EXOC6B: variants seen among roughly 807,000 people sequenced by gnomAD.
EXOC6B encodes exocyst complex component 6B.
A neutral mutation model predicts 113.5 loss-of-function variants in EXOC6B; 54 were observed. The ratio of observed to expected loss-of-function variants is 0.48; its 90% confidence interval spans 0.38 to 0.60. The LOEUF (loss-of-function observed/expected upper bound fraction) is 0.60, where lower values mean the gene tolerates loss of function less well. Ranked by LOEUF, EXOC6B falls within the 20% of genes least tolerant of loss-of-function variation. EXOC6B has a pLI of 0.00. For synonymous variants in EXOC6B, 357 were observed against 339.0 expected (o/e 1.05, Z -0.58); for missense variants, 797 against 977.5 (o/e 0.82, Z 2.46).
intron 8 of EXOC6B, among the ~76,000 whole-genome samples, chr2:72,557,062 C>T (rs945667963): frequency 6.6e-6 from 1 of 151,426 alleles, no homozygotes; most frequent in Non-Finnish European, 1.5e-5. Context: ...AAGAAAAGCA[C>T]AATTTTTACT....
chr2:72,186,406 A>G (rs766174996), intron 20 of EXOC6B, among the ~76,000 whole-genome samples: 119 of 152,314 alleles, frequency 7.8e-4, no homozygotes, highest in African/African-American at 2.7e-3. Context: ...CACGACAGGT[A>G]CTGAGAGTAC....
At chr2:72,458,032 A>G (rs925368225) in intron 18 of EXOC6B, among the ~76,000 whole-genome samples, 1 of 152,090 alleles carries the variant, frequency 6.6e-6, no homozygotes, top group South Asian at 2.1e-4. Flanking sequence ...ATGTGGTAAA[A>G]TATCCCTGAG....
At chr2:72,298,215 T>C (rs1395351120) in intron 20 of EXOC6B, among the ~76,000 whole-genome samples, 1 of 152,228 alleles carries the variant, frequency 6.6e-6, no homozygotes, top group Non-Finnish European at 1.5e-5. Flanking sequence ...GCTCTTCTTG[T>C]TGCATTGATC....
intron 20 of EXOC6B, among the ~76,000 whole-genome samples, chr2:72,295,248 AAT>A (rs1255588381): frequency 6.1e-5 from 9 of 148,530 alleles, no homozygotes; most frequent in African/African-American, 2.3e-4. Flanking sequence ...AAAAAAAAAA[AAT>A]ACTCAGACCT....
chr2:72,612,094 G>T (rs894415817), intron 6 of EXOC6B, among the ~76,000 whole-genome samples: 1 of 151,872 alleles, frequency 6.6e-6, no homozygotes, highest in Non-Finnish European at 1.5e-5. Flanking sequence ...TGGGCAACAT[G>T]GCAAAAACTG....
chr2:72,570,749 GC>G (rs1704465657), intron 7 of EXOC6B, among the ~76,000 whole-genome samples: 1 of 152,082 alleles, frequency 6.6e-6, no homozygotes, highest in South Asian at 2.1e-4. Flanking sequence ...AATACGCCCT[GC>G]TTTTTCAAAC....
chr2:72,287,030 A>G, intron 20 of EXOC6B, among the ~76,000 whole-genome samples: 1 of 152,164 alleles, frequency 6.6e-6, no homozygotes, highest in East Asian at 1.9e-4. Context: ...AAAAATAAAG[A>G]CTGAAGAAGA....
At chr2:72,477,783 C>T (rs1198222836) in intron 17 of EXOC6B, among the ~76,000 whole-genome samples, 1 of 152,194 alleles carries the variant, frequency 6.6e-6, no homozygotes, top group Non-Finnish European at 1.5e-5. Flanking sequence ...TGAACACATC[C>T]ATACCTACCA....
At position 72,401,595 on chromosome 2, in the gene EXOC6B, A is replaced by G. The variant is rs1227589488; in HGVS notation, c.1981-21725T>C. 6.4e-4 allele frequency among the ~76,000 whole-genome samples: 28 copies of G among 43,560 alleles called. 4 individuals are homozygous for G. The highest frequency in any genetic ancestry group is 1.4e-3 in the South Asian group (3 of 2,080). The allele number at this position is 43,560 out of a possible 152,430, so 28.6% of individuals were successfully genotyped here. The stretch of plus-strand genomic sequence containing the variant: ...TATATATATATACATATATATATAT[A>G]TATATATGTGTATATATATATATAT... On this transcript the variant is annotated intron_variant, in intron 18 of 21. Coordinates refer to ENST00000272427, the MANE Select transcript of EXOC6B (RefSeq NM_015189.3).
chr2:72,420,177 T>A (rs1694784943), intron 18 of EXOC6B, among the ~76,000 whole-genome samples: 1 of 152,194 alleles, frequency 6.6e-6, no homozygotes, highest in Non-Finnish European at 1.5e-5. Context: ...AATATTTCCA[T>A]TTTTTCCATA....
At chr2:72,595,709 C>G (rs891699657) in intron 6 of EXOC6B, among the ~76,000 whole-genome samples, 1 of 151,742 alleles carries the variant, frequency 6.6e-6, no homozygotes, top group Non-Finnish European at 1.5e-5. Context: ...GACATAGATA[C>G]ACAATAAGAA....
intron 17 of EXOC6B, among the ~76,000 whole-genome samples, chr2:72,480,371 A>T (rs560294749): frequency 1.3e-5 from 2 of 152,294 alleles, no homozygotes; most frequent in South Asian, 4.1e-4. Context: ...TGTACAAAAC[A>T]TAAGGAAGGG....
intron 12 of EXOC6B, among the ~76,000 whole-genome samples, chr2:72,499,354 C>G (rs528508052): frequency 6.5e-4 from 98 of 151,852 alleles, no homozygotes; most frequent in African/African-American, 2.3e-3. Context: ...CCTCAGCCTC[C>G]CAAGTAGCTG....
chr2:72,739,100 A>G (rs1308468781), intron 2 of EXOC6B, among the ~76,000 whole-genome samples: 1 of 152,158 alleles, frequency 6.6e-6, no homozygotes, highest in Non-Finnish European at 1.5e-5. Flanking sequence ...TATCCTCTGT[A>G]CTGTAGTTTA....
intron 18 of EXOC6B, among the ~76,000 whole-genome samples, chr2:72,445,932 C>T (rs746658993): frequency 6.6e-6 from 1 of 152,118 alleles, no homozygotes. Flanking sequence ...AAATCAAAAT[C>T]GCAAGGAGAT....
intron 20 of EXOC6B, among the ~76,000 whole-genome samples, chr2:72,314,149 TATG>T (rs1315076266): frequency 3.3e-5 from 5 of 152,210 alleles, no homozygotes; most frequent in Admixed American, 6.5e-5. Context: ...CTATCTTTGT[TATG>T]ATTATTGTTA....
chr2:72,391,736 T>G (rs975667416), intron 18 of EXOC6B, among the ~76,000 whole-genome samples: 1 of 152,182 alleles, frequency 6.6e-6, no homozygotes, highest in Admixed American at 6.5e-5. Flanking sequence ...TTTCCATTCT[T>G]AACATCAAAA....
intron 6 of EXOC6B, among the ~76,000 whole-genome samples, chr2:72,602,309 T>G (rs2104009392): frequency 6.6e-6 from 1 of 152,342 alleles, no homozygotes; most frequent in South Asian, 2.1e-4. Context: ...TTTCCATGAA[T>G]GAATATAATT....
At chr2:72,309,407 C>G (rs539289579) in intron 20 of EXOC6B, among the ~76,000 whole-genome samples, 2 of 152,086 alleles carry the variant, frequency 1.3e-5, no homozygotes, top group Admixed American at 1.3e-4. Flanking sequence ...TTAGGCTGAA[C>G]CTCGTTTACT....
Sources: gnomAD v4.1 joint callset for allele counts (sites outside exome capture counted in the v4.1 genomes callset) on GRCh38, gnomAD v4.1.1 for gene constraint, MANE v1.5 for transcripts, NCBI Gene and HGNC (gene_info 2026-07-23, HGNC 2026-07-21) for gene names.